The following TACR2 variants were observed in gnomAD, a reference collection of about 807,000 sequenced individuals.
TACR2 encodes the protein tachykinin receptor 2.
A neutral mutation model predicts 28.9 loss-of-function variants in TACR2; 24 were observed. The observed-to-expected ratio is 0.83, with a 90% CI of 0.60 to 1.17. The LOEUF is 1.17. Ranked by LOEUF, TACR2 falls within the 50% of genes most tolerant of loss-of-function variation. TACR2 has a pLI of 0.00. For missense variants in TACR2, 487 were observed against 524.4 expected, an observed-to-expected ratio of 0.93 and a Z score of 0.70; for synonymous variants, 222 against 212.6, an observed-to-expected ratio of 1.04 and a Z score of -0.38.
chr10:69,409,811 G>A (rs941507148), intron 2 of TACR2, among the ~76,000 whole-genome samples: 25 of 148,716 alleles, frequency 1.7e-4, no homozygotes, highest in African/African-American at 4.7e-4. Context: ...GTCTTGGAGT[G>A]TATCCTACAG....
chr10:69,406,591 A>ATCCACTGCT (rs969671334), intron 4 of TACR2, among the ~76,000 whole-genome samples: 7 of 152,108 alleles, frequency 4.6e-5, no homozygotes, highest in African/African-American at 1.7e-4. Flanking sequence ...CCCAGCCCCC[A>ATCCACTGCT]TCCACTGCTT....
chr10:69,409,258 C>T (rs780269451), intron 2 of TACR2, 183 bp from the exon 3 acceptor site: 64 of 506,488 alleles, frequency 1.3e-4, no homozygotes, highest in Non-Finnish European at 1.8e-4. Context: ...GCCTGTGTGC[C>T]AGGAGACGGC....
intron 3 of TACR2, among the ~76,000 whole-genome samples, chr10:69,407,735 C>G (rs1010549510): frequency 2.0e-5 from 3 of 152,162 alleles, no homozygotes; most frequent in African/African-American, 7.2e-5. Flanking sequence ...AGGTTCCAAC[C>G]AGGGACCCCT....
rs746364867 is a variant in TACR2 at position 69,404,700 on chromosome 10, T to A, written c.*126A>T. 6.0e-6 allele frequency: 3 copies of A among 504,104 alleles called. No homozygotes were observed. Among genetic ancestry groups the A allele is most frequent in the Middle Eastern group, 5.0e-4 (1 of 2,008 alleles). 31.2% of individuals were successfully genotyped at this position (504,104 alleles called of 1,614,324 possible). ...TCTAACAACTTGTTATTTTGGGAACTAGTCCATTCCCACAAGAGTGATGAT... is the reference window on the plus strand; with the variant it reads ...TCTAACAACTTGTTATTTTGGGAACAAGTCCATTCCCACAAGAGTGATGAT... On this transcript the variant is annotated 3_prime_UTR_variant, in exon 5 of 5. Transcript: ENST00000373306.
At chr10:69,409,367 C>G (rs1224962914) in intron 2 of TACR2, 2 of 276,486 alleles carry the variant, frequency 7.2e-6, no homozygotes, top group Non-Finnish European at 1.3e-5. Flanking sequence ...GTGAATGAAA[C>G]AAATTAAGAA....
chr10:69,413,418 T>C (rs549838083), intron 2 of TACR2, among the ~76,000 whole-genome samples: 54 of 152,272 alleles, frequency 3.5e-4, no homozygotes, highest in African/African-American at 1.1e-3. Context: ...TGGTCCTGTA[T>C]GAAGATGGAG....
intron 4 of TACR2, 75 bp downstream of exon 4, chr10:69,407,009 C>T (rs1021044136): frequency 1.4e-6 from 2 of 1,461,162 alleles, no homozygotes; most frequent in Admixed American, 4.0e-5. Flanking sequence ...GATGCTTGAG[C>T]TGTGCAGGGG....
intron 2 of TACR2, among the ~76,000 whole-genome samples, chr10:69,410,169 T>C (rs575061756): frequency 4.6e-4 from 70 of 151,946 alleles, no homozygotes; most frequent in African/African-American, 1.6e-3. Context: ...CGTGGCTTCC[T>C]ACCCCGTCCC....
At chr10:69,409,841 G>A (rs1030449572) in intron 2 of TACR2, among the ~76,000 whole-genome samples, 1 of 122,390 alleles carries the variant, frequency 8.2e-6, no homozygotes, top group African/African-American at 3.1e-5. Flanking sequence ...ATATGTATAC[G>A]TATACGTATA....
chr10:69,405,367 C>T (rs925465677), intron 4 of TACR2, among the ~76,000 whole-genome samples: 2 of 150,236 alleles, frequency 1.3e-5, no homozygotes, highest in African/African-American at 5.0e-5. Flanking sequence ...AGCATAATTA[C>T]TAAAAAAACC....
chr10:69,414,966 C>CT lies in TACR2; in HGVS notation c.565dup (p.Ser189LysfsTer147), dbSNP rs760845670. 5.3e-5 allele frequency: 85 copies of CT among 1,612,592 alleles called. No individual in the cohort carries two copies. Among genetic ancestry groups the CT allele is most frequent in the Admixed American group, 1.0e-4 (6 of 59,964 alleles). The stretch of plus-strand genomic sequence containing the variant: ...TTACAGGAGGAGCGTCTTGCCCCCG[C>CT]TGTCTTCGGGCCAGGCCACCACGCA... On this transcript the variant is annotated frameshift_variant, in exon 2 of 5. Coordinates refer to ENST00000373306, the MANE Select transcript of TACR2 (RefSeq NM_001057.3). LOFTEE classifies it high-confidence loss of function.
At chr10:69,409,921 ATATATATATATATATATATAT>A (rs1840553311) in intron 2 of TACR2, among the ~76,000 whole-genome samples, 2 of 87,056 alleles carry the variant, frequency 2.3e-5, no homozygotes, top group Non-Finnish European at 4.5e-5. Context: ...ATATATATAT[ATATATATATATATATATATAT>A]AATCTGTATC....
intron 2 of TACR2, among the ~76,000 whole-genome samples, chr10:69,411,649 C>T (rs919800315): frequency 2.0e-5 from 3 of 151,868 alleles, no homozygotes; most frequent in South Asian, 2.1e-4. Context: ...CCACCCAGAC[C>T]GGGTAATCTG....
chr10:69,413,132 C>T (rs930789736), intron 2 of TACR2, among the ~76,000 whole-genome samples: 14 of 152,146 alleles, frequency 9.2e-5, no homozygotes, highest in African/African-American at 3.4e-4. Context: ...GGTGTGTGCG[C>T]ATGTTCCTGA....
chr10:69,408,719 CT>C (rs1840527688), intron 3 of TACR2, among the ~76,000 whole-genome samples: 1 of 152,196 alleles, frequency 6.6e-6, no homozygotes, highest in South Asian at 2.1e-4. Context: ...CCGCAAGCTT[CT>C]CCCGGGCGCC....
chr10:69,406,270 G>A (rs920875446), intron 4 of TACR2, among the ~76,000 whole-genome samples: 6 of 152,132 alleles, frequency 3.9e-5, no homozygotes, highest in African/African-American at 1.2e-4. Context: ...CCCCTTATTT[G>A]CCCCACCTTC....
intron 2 of TACR2, among the ~76,000 whole-genome samples, chr10:69,409,880 TACATATATAC>T (rs1564581015): frequency 1.2e-4 from 4 of 33,552 alleles, no homozygotes; most frequent in African/African-American, 6.7e-4. Flanking sequence ...TATATATATA[TACATATATAC>T]ATATATATAT....
chr10:69,412,543 C>T (rs969553718), intron 2 of TACR2, among the ~76,000 whole-genome samples: 2 of 152,172 alleles, frequency 1.3e-5, no homozygotes, highest in Non-Finnish European at 2.9e-5. Context: ...TCATACCCGT[C>T]TACAGATTTA....
At chr10:69,415,854 C>A in intron 1 of TACR2, 78 bp downstream of exon 1, 1 of 1,525,706 alleles carries the variant, frequency 6.6e-7, no homozygotes, top group Non-Finnish European at 8.9e-7. Flanking sequence ...GCTGTGTAAT[C>A]ACAGGCATGT....
Sources: gnomAD v4.1 joint callset for allele counts (sites outside exome capture counted in the v4.1 genomes callset) on GRCh38, gnomAD v4.1.1 for gene constraint, MANE v1.5 for transcripts, NCBI Gene and HGNC (gene_info 2026-07-23, HGNC 2026-07-21) for gene names.